Variants in XPR1 observed in about 807,000 individuals in gnomAD.
The protein encoded by XPR1 is solute carrier family 53 member 1.
XPR1 carries 28 observed loss-of-function variants against 87.5 expected under a neutral mutation model. The observed-to-expected ratio is 0.32, with a 90% confidence interval of 0.24 to 0.44. The LOEUF is 0.44. Among genes scored for constraint, XPR1 ranks in the 20% least tolerant of loss-of-function variants. The pLI, the probability that XPR1 is intolerant of heterozygous loss-of-function variation, is 1.00. For synonymous variants in XPR1, 300 were observed against 306.1 expected (o/e 0.98, Z 0.21); for missense variants, 559 against 862.3 (o/e 0.65, Z 4.41).
rs1303366518 is a variant in XPR1, at chr1:180,884,885, T to C, written c.*819T>C. The C allele has an allele frequency of 6.6e-6, 1 of 152,446 alleles. No homozygotes were observed. Among genetic ancestry groups the C allele is most frequent in the African/African-American group, 2.4e-5 (1 of 41,470 alleles). The allele number at this position is 152,446 out of a possible 1,614,324, so 9.4% of individuals were successfully genotyped here. A position where few individuals can be genotyped will look rare whatever the true frequency, so the allele number is the denominator to read the frequency against. ...TTATTTTAAGCCAAAGTTTCATTGCTAACTTCTTAAGTTGCTGCTGCTTTA... is the reference window on the plus strand; with the variant it reads ...TTATTTTAAGCCAAAGTTTCATTGCCAACTTCTTAAGTTGCTGCTGCTTTA... On this transcript the variant is annotated 3_prime_UTR_variant, in exon 15 of 15. Coordinates refer to ENST00000367590, the MANE Select transcript of XPR1 (RefSeq NM_004736.4).
At chr1:180,634,554 A>G (rs1360980271) in intron 1 of XPR1, among the ~76,000 whole-genome samples, 1 of 152,184 alleles carries the variant, frequency 6.6e-6, no homozygotes, top group Non-Finnish European at 1.5e-5. Context: ...TCTAGAGAAA[A>G]GGACCTTTTC....
chr1:180,758,120 C>CACACACACACACAA (rs1375302180), intron 2 of XPR1, among the ~76,000 whole-genome samples: 8 of 138,822 alleles, frequency 5.8e-5, no homozygotes, highest in Non-Finnish European at 8.9e-5. Context: ...AGGATACACA[C>CACACACACACACAA]ACACACACAC....
At chr1:180,726,115 A>G (rs1222506768) in intron 2 of XPR1, among the ~76,000 whole-genome samples, 1 of 152,152 alleles carries the variant, frequency 6.6e-6, no homozygotes, top group Non-Finnish European at 1.5e-5. Flanking sequence ...GTGTCTAGCT[A>G]AAGGATTGTA....
At chr1:180,707,028 A>G (rs1423134515) in intron 2 of XPR1, among the ~76,000 whole-genome samples, 1 of 152,210 alleles carries the variant, frequency 6.6e-6, no homozygotes, top group Non-Finnish European at 1.5e-5. Flanking sequence ...TATCAGTTGT[A>G]GAAATATGTA....
chr1:180,704,814 GTTT>G (rs567903048), intron 2 of XPR1, among the ~76,000 whole-genome samples: 6 of 51,942 alleles, frequency 1.2e-4, no homozygotes, highest in Admixed American at 2.9e-4. Flanking sequence ...ACTGTTGGTT[GTTT>G]TTTTTTTTTT....
At chr1:180,666,617 G>T (rs1019035838) in intron 1 of XPR1, among the ~76,000 whole-genome samples, 7 of 152,154 alleles carry the variant, frequency 4.6e-5, no homozygotes, top group African/African-American at 1.7e-4. Flanking sequence ...ATTGTTGGTT[G>T]TTAGTGTATA....
chr1:180,806,158 G>T lies in XPR1; in HGVS notation c.544G>T (p.Val182Leu), dbSNP rs756965630. The T allele has an allele frequency of 6.2e-7, 1 of 1,613,602 alleles. No homozygotes were observed. Among genetic ancestry groups the T allele is most frequent in the Non-Finnish European group, 8.5e-7 (1 of 1,179,692 alleles). Residue 182 changes from valine (V) to leucine (L), a missense_variant, in exon 5 of 15, where the codon GTG becomes TTG. Physicochemically the swap from Val to Leu is conservative, Grantham distance 32. Around this residue, in one of 7 missense-constraint regions of XPR1, gnomAD observed 159 missense variants for 263.3 expected, o/e 0.60. Transcript: ENST00000367590. Reference sequence around the variant, plus strand: ...AGATTGGCGAGTGGCTCACGTAGAGGTGGCCCCATTTTATACATGCAAGAA... The same window carrying T: ...AGATTGGCGAGTGGCTCACGTAGAGTTGGCCCCATTTTATACATGCAAGAA... ...GADWRVAHVE[V>L]APFYTCKKIN...
chr1:180,740,183 A>T (rs928068527), intron 2 of XPR1, among the ~76,000 whole-genome samples: 15 of 152,028 alleles, frequency 9.9e-5, no homozygotes, highest in Admixed American at 8.5e-4. Flanking sequence ...ATATTATTGC[A>T]CTGACCAGGA....
chr1:180,728,369 A>G (rs150939011), intron 2 of XPR1, among the ~76,000 whole-genome samples: 208 of 152,120 alleles, frequency 1.4e-3, no homozygotes, highest in African/African-American at 4.3e-3. Flanking sequence ...GGATACCACA[A>G]ACTGATACCA....
intron 7 of XPR1, among the ~76,000 whole-genome samples, chr1:180,816,620 A>G (rs1022974767): frequency 1.3e-5 from 2 of 152,378 alleles, no homozygotes; most frequent in East Asian, 1.9e-4. Context: ...AGGCAGTCCC[A>G]TAAGATTATA....
intron 11 of XPR1, among the ~76,000 whole-genome samples, chr1:180,861,800 G>A (rs1652229251): frequency 6.6e-6 from 1 of 152,026 alleles, no homozygotes; most frequent in Non-Finnish European, 1.5e-5. Context: ...AAGGAGCATT[G>A]ATTCCTAGTG....
chr1:180,730,947 T>C (rs1461446838), intron 2 of XPR1, among the ~76,000 whole-genome samples: 1 of 152,192 alleles, frequency 6.6e-6, no homozygotes, highest in Non-Finnish European at 1.5e-5. Flanking sequence ...CTTTCTTCTT[T>C]AAAAATTCAT....
Position 180,836,658 on chromosome 1 carries a change from C to T in XPR1, c.1443C>T (p.Gly481=). 6.2e-7 allele frequency: 1 copy of T among 1,614,112 alleles called. No individual in the cohort carries two copies. The highest frequency in any genetic ancestry group is 8.5e-7 in the Non-Finnish European group (1 of 1,180,042). Residue 481 remains glycine, a synonymous_variant, in exon 11 of 15, where the codon GGC becomes GGT. Coordinates refer to ENST00000367590, the MANE Select transcript of XPR1 (RefSeq NM_004736.4). ...CCTTTCCTCATTTAGTTAATGCTGG[C>T]AAATACTCCACAACTTTCTTCATGG... The part of the protein sequence containing the change: ...KRAFPHLVNA[G]KYSTTFFMVT...
At chr1:180,727,861 C>A (rs1658408498) in intron 2 of XPR1, among the ~76,000 whole-genome samples, 1 of 152,148 alleles carries the variant, frequency 6.6e-6, no homozygotes, top group Non-Finnish European at 1.5e-5. Flanking sequence ...TGTAAACTGT[C>A]ATGGTGCTGG....
chr1:180,800,377 T>C (rs1444926077), intron 3 of XPR1, among the ~76,000 whole-genome samples: 1 of 152,198 alleles, frequency 6.6e-6, no homozygotes, highest in East Asian at 1.9e-4. Flanking sequence ...TTGCTGACTT[T>C]GAAGATAGGG....
intron 14 of XPR1, among the ~76,000 whole-genome samples, chr1:180,881,649 G>T (rs931897807): frequency 6.6e-6 from 1 of 152,164 alleles, no homozygotes; most frequent in African/African-American, 2.4e-5. Context: ...CTTACTGTTG[G>T]ACCAGAAGGA....
At chr1:180,721,834 T>C (rs1658188525) in intron 2 of XPR1, among the ~76,000 whole-genome samples, 1 of 152,218 alleles carries the variant, frequency 6.6e-6, no homozygotes, top group Non-Finnish European at 1.5e-5. Flanking sequence ...TTCTTTTCTC[T>C]AGCTTATTTT....
intron 1 of XPR1, among the ~76,000 whole-genome samples, chr1:180,673,802 T>A (rs1365791806): frequency 6.6e-6 from 1 of 152,198 alleles, no homozygotes; most frequent in Non-Finnish European, 1.5e-5. Context: ...GCCAAAAGGG[T>A]TGGGGACCAC....
chr1:180,866,797 ATT>A (rs539839824), intron 12 of XPR1, among the ~76,000 whole-genome samples: 9 of 136,454 alleles, frequency 6.6e-5, no homozygotes, highest in African/African-American at 1.1e-4. Context: ...ATATTAGTTT[ATT>A]TTTTTTTTTT....
Sources: allele counts gnomAD v4.1 joint callset (sites outside exome capture counted in the v4.1 genomes callset), GRCh38; gene constraint gnomAD v4.1.1; regional missense constraint gnomAD v4.1.1; transcripts MANE v1.5; gene names NCBI Gene and HGNC (gene_info 2026-07-23, HGNC 2026-07-21).